The following PRKN variants were observed in gnomAD, a reference collection of about 807,000 sequenced individuals.
PRKN encodes parkin RBR E3 ubiquitin protein ligase.
Under a neutral mutation model 59.5 loss-of-function variants are expected in PRKN, and 56 were observed. The observed-to-expected ratio is 0.94, with a 90% confidence interval of 0.76 to 1.18. The LOEUF (loss-of-function observed/expected upper bound fraction) is 1.18. PRKN is among the 50% of genes most tolerant of loss of function. PRKN has a pLI of 0.00. For missense variants in PRKN, 657 were observed against 596.4 expected (o/e 1.10, Z -1.06); for synonymous variants, 250 against 222.1 (o/e 1.13, Z -1.12).
At chr6:162,696,559 C>CTTTTTTTTTTTTTTT (rs748055251) in intron 1 of PRKN, among the ~76,000 whole-genome samples, 1 of 108,510 alleles carries the variant, frequency 9.2e-6, no homozygotes. Context: ...TCAGGAAAAA[C>CTTTTTTTTTTTTTTT]TTTTTTTTTT....
chr6:162,331,854 T>C (rs1282077315), intron 2 of PRKN, among the ~76,000 whole-genome samples: 1 of 152,178 alleles, frequency 6.6e-6, no homozygotes, highest in African/African-American at 2.4e-5. Context: ...TGCAACTCAG[T>C]ATGGAATATG....
At chr6:161,465,544 T>G (rs996015787) in intron 9 of PRKN, among the ~76,000 whole-genome samples, 6 of 152,108 alleles carry the variant, frequency 3.9e-5, no homozygotes, top group Non-Finnish European at 8.8e-5. Flanking sequence ...CATTCCATTG[T>G]TTTCTGGCTT....
intron 1 of PRKN, among the ~76,000 whole-genome samples, chr6:162,596,170 A>G (rs1002476918): frequency 2.0e-5 from 3 of 152,190 alleles, no homozygotes; most frequent in African/African-American, 7.2e-5. Context: ...ATTCTAAATA[A>G]CTTATAGGCA....
At chr6:161,777,788 TATATG>T (rs1370424191) in intron 7 of PRKN, among the ~76,000 whole-genome samples, 6 of 138,624 alleles carry the variant, frequency 4.3e-5, no homozygotes, top group South Asian at 2.2e-4. Context: ...TGTATATGTA[TATATG>T]ATATATGTAT....
chr6:162,151,269 T>C (rs1782259693), intron 4 of PRKN, among the ~76,000 whole-genome samples: 1 of 152,190 alleles, frequency 6.6e-6, no homozygotes, highest in South Asian at 2.1e-4. Context: ...AGAGTTTGTC[T>C]CAAGGTTTGG....
At chr6:162,020,406 T>C (rs9456731) in intron 5 of PRKN, among the ~76,000 whole-genome samples, 4,017 of 127,002 alleles carry the variant, frequency 0.032, 183 homozygotes, top group African/African-American at 0.11. Flanking sequence ...AAGAGCAAAA[T>C]CCTATTTAAA....
At chr6:161,528,373 C>CT (rs1232860801) in intron 9 of PRKN, among the ~76,000 whole-genome samples, 1 of 151,862 alleles carries the variant, frequency 6.6e-6, no homozygotes, top group Non-Finnish European at 1.5e-5. Context: ...TCCTCCACCC[C>CT]TTCCATGAAG....
chr6:161,636,524 C>T lies in PRKN; in HGVS notation c.872-67108G>A, dbSNP rs570868370. The stretch of plus-strand genomic sequence containing the variant: ...GGGAGCGTGGTCCTTAATGCACATG[C>T]GGGAGTGCCCCTTTGATACAGAGTT... On this transcript the variant is annotated intron_variant, in intron 7 of 11. Transcript: ENST00000366898. 1.8e-4 allele frequency among the ~76,000 whole-genome samples: 28 copies of T among 152,316 alleles called. 2 individuals carry two copies. The South Asian group carries it at 5.8e-3, about 32-fold the overall frequency.
intron 6 of PRKN, among the ~76,000 whole-genome samples, chr6:161,895,312 C>T (rs907129661): frequency 1.3e-5 from 2 of 152,244 alleles, no homozygotes; most frequent in Non-Finnish European, 2.9e-5. Context: ...GAACGATTGG[C>T]ATAAGAAAAT....
At chr6:161,753,066 C>T (rs778565406) in intron 7 of PRKN, among the ~76,000 whole-genome samples, 49 of 152,076 alleles carry the variant, frequency 3.2e-4, no homozygotes, top group South Asian at 8.3e-4. Context: ...GTTTGAGATG[C>T]CTTTGAGAAT....
intron 5 of PRKN, among the ~76,000 whole-genome samples, chr6:161,995,702 A>G (rs553043569): frequency 6.6e-6 from 1 of 152,308 alleles, no homozygotes; most frequent in Admixed American, 6.5e-5. Context: ...CCAAACAGCA[A>G]TAAGATATCA....
At chr6:161,992,351 G>C (rs1781682958) in intron 5 of PRKN, among the ~76,000 whole-genome samples, 1 of 152,016 alleles carries the variant, frequency 6.6e-6, no homozygotes, top group South Asian at 2.1e-4. Flanking sequence ...AAAAAAGAGA[G>C]AGAGAGACAA....
chr6:162,666,379 T>A (rs1779104043), intron 1 of PRKN, among the ~76,000 whole-genome samples: 1 of 137,612 alleles, frequency 7.3e-6, no homozygotes, highest in East Asian at 2.0e-4. Flanking sequence ...GGAAAACAGA[T>A]GTGAACTAAA....
Position 161,665,140 on chromosome 6 carries a change from A to C in PRKN, c.872-95724T>G, listed in dbSNP as rs116677576. Among the ~76,000 whole-genome samples, 1,312 of 152,188 alleles carry C rather than the reference A, an allele frequency of 8.6e-3. 20 individuals are homozygous for C. The highest frequency in any genetic ancestry group is 0.029 in the African/African-American group (1,220 of 41,564). On this transcript the variant is annotated intron_variant, in intron 7 of 11. Transcript: ENST00000366898. The stretch of plus-strand genomic sequence containing the variant: ...TTATTTAAATTATACTAGTAAAAAA[A>C]CCAATGAACATTCTTATTTATCTTC...
At chr6:162,020,733 A>G (rs1229782808) in intron 5 of PRKN, among the ~76,000 whole-genome samples, 1 of 152,108 alleles carries the variant, frequency 6.6e-6, no homozygotes, top group African/African-American at 2.4e-5. Context: ...ACTAATAAAG[A>G]TTCTCCCCAT....
chr6:162,402,633 C>CAT (rs199645962), intron 2 of PRKN, among the ~76,000 whole-genome samples: 274 of 149,210 alleles, frequency 1.8e-3, no homozygotes, highest in African/African-American at 5.2e-3. Context: ...CTTTCCTTGT[C>CAT]ATATATATAT....
chr6:162,633,878 T>A (rs1777611620), intron 1 of PRKN, among the ~76,000 whole-genome samples: 1 of 152,098 alleles, frequency 6.6e-6, no homozygotes, highest in Non-Finnish European at 1.5e-5. Flanking sequence ...GCCCTAGACA[T>A]TCTAGGTGTG....
intron 10 of PRKN, among the ~76,000 whole-genome samples, chr6:161,366,648 T>C (rs1473246803): frequency 2.6e-5 from 4 of 151,992 alleles, no homozygotes; most frequent in Non-Finnish European, 5.9e-5. Context: ...AACTCTAGAG[T>C]ATGCAACTGT....
At chr6:162,234,056 C>T (rs1417848364) in intron 3 of PRKN, among the ~76,000 whole-genome samples, 1 of 152,088 alleles carries the variant, frequency 6.6e-6, no homozygotes, top group African/African-American at 2.4e-5. Flanking sequence ...GATTTTGACA[C>T]ATTCTATGAG....
Sources: gnomAD v4.1 joint callset for allele counts (sites outside exome capture counted in the v4.1 genomes callset) on GRCh38, gnomAD v4.1.1 for gene constraint, MANE v1.5 for transcripts, NCBI Gene and HGNC (gene_info 2026-07-23, HGNC 2026-07-21) for gene names.